The following HIVEP3 variants were observed in gnomAD, a reference collection of about 807,000 sequenced individuals.
HIVEP3 encodes HIVEP zinc finger 3.
A neutral mutation model predicts 152.8 loss-of-function variants in HIVEP3; 49 were observed. That is an observed-to-expected ratio of 0.32 (90% CI 0.26 to 0.41). HIVEP3 has a LOEUF of 0.41. HIVEP3 is among the 10% of genes least tolerant of loss of function. HIVEP3 has a pLI of 1.00. For missense variants in HIVEP3, 2,790 were observed against 3,103.3 expected, an observed-to-expected ratio of 0.90 and a Z score of 2.40; for synonymous variants, 1,269 against 1,289.0, an observed-to-expected ratio of 0.98 and a Z score of 0.33.
At chr1:42,033,992 A>G (rs1368655401) in intron 1 of HIVEP3, among the ~76,000 whole-genome samples, 1 of 152,162 alleles carries the variant, frequency 6.6e-6, no homozygotes, top group Non-Finnish European at 1.5e-5. Context: ...ACCCCTCAAA[A>G]CAGTATATAT....
intron 1 of HIVEP3, among the ~76,000 whole-genome samples, chr1:41,814,530 C>T (rs982047353): frequency 7.2e-5 from 11 of 152,354 alleles, no homozygotes; most frequent in African/African-American, 2.6e-4. Context: ...TTCCCTAAGG[C>T]TAGTGCCTGC....
chr1:41,793,315 G>C (rs1649804114), intron 1 of HIVEP3, among the ~76,000 whole-genome samples: 1 of 152,196 alleles, frequency 6.6e-6, no homozygotes, highest in East Asian at 1.9e-4. Flanking sequence ...ACTACAAGTG[G>C]CTCAAGCCTG....
intron 1 of HIVEP3, among the ~76,000 whole-genome samples, chr1:41,899,532 G>A (rs9943175): frequency 0.032 from 4,817 of 152,080 alleles, 258 homozygotes; most frequent in African/African-American, 0.11. Context: ...TCAGCCTCCC[G>A]AGTAGCTGGG....
chr1:41,635,725 C>T (rs1025351966), intron 2 of HIVEP3, among the ~76,000 whole-genome samples: 31 of 151,914 alleles, frequency 2.0e-4, no homozygotes, highest in African/African-American at 7.0e-4. Context: ...AAATCGGTGG[C>T]AAATCTGACT....
intron 1 of HIVEP3, among the ~76,000 whole-genome samples, chr1:41,901,812 C>T (rs1199613353): frequency 6.6e-6 from 1 of 152,188 alleles, no homozygotes; most frequent in African/African-American, 2.4e-5. Context: ...GCCCCACTCA[C>T]TTAGCCTATT....
chr1:41,747,951 G>A (rs1368050869), intron 1 of HIVEP3, among the ~76,000 whole-genome samples: 1 of 152,180 alleles, frequency 6.6e-6, no homozygotes, highest in African/African-American at 2.4e-5. Flanking sequence ...GTAATCAGAT[G>A]GAAGAAGGCC....
chr1:41,581,586 T>A lies in HIVEP3; in HGVS notation c.3212A>T (p.Glu1071Val). ...GGGTTTACTGGATGAGGGCTGTGGT[T>A]CTTCGCTCTCCTGTCTTCCCTTGGG... ...VAPKGRQESE[E>V]PQPSSSKPSA... is the part of the protein sequence containing the mutation. Residue 1071 changes from glutamate to valine, a missense_variant, in exon 4 of 9, where the codon GAA becomes GTA. Physicochemically the swap from Glu to Val is moderately radical, Grantham distance 121. This residue lies in a region of HIVEP3 where 1,078 missense variants were observed against 1,165.3 expected (regional missense o/e 0.93). Coordinates refer to ENST00000372583, the MANE Select transcript of HIVEP3 (RefSeq NM_024503.5). This position sits in a 1 kb window ranked among gnomAD's most constrained non-coding sequence, Gnocchi z 4.5. 6.2e-7 allele frequency: 1 copy of A among 1,613,502 alleles called. No individual in the cohort carries two copies. Among genetic ancestry groups the A allele is most frequent in the Non-Finnish European group, 8.5e-7 (1 of 1,179,780 alleles).
chr1:41,832,826 G>A (rs970986078), intron 1 of HIVEP3, among the ~76,000 whole-genome samples: 7 of 152,248 alleles, frequency 4.6e-5, no homozygotes, highest in African/African-American at 1.7e-4. Context: ...AGTAAATGCT[G>A]AAGCCCAGAT....
intron 1 of HIVEP3, among the ~76,000 whole-genome samples, chr1:42,015,960 T>C (rs1645519953): frequency 6.6e-6 from 1 of 152,186 alleles, no homozygotes; most frequent in Non-Finnish European, 1.5e-5. Flanking sequence ...AGGAAAAACA[T>C]CAAATAATTA....
chr1:41,779,262 G>A (rs913925108), intron 1 of HIVEP3, among the ~76,000 whole-genome samples: 6 of 152,182 alleles, frequency 3.9e-5, no homozygotes, highest in Non-Finnish European at 5.9e-5. Context: ...TAAAGTGCTG[G>A]GCTTTGGAGT....
At chr1:41,709,061 T>C (rs1646475404) in intron 1 of HIVEP3, among the ~76,000 whole-genome samples, 1 of 152,296 alleles carries the variant, frequency 6.6e-6, no homozygotes, top group South Asian at 2.1e-4. Context: ...AAGATGTTCC[T>C]CTTCTGCACC....
intron 1 of HIVEP3, among the ~76,000 whole-genome samples, chr1:41,933,944 T>A (rs1273104731): frequency 1.3e-5 from 2 of 152,090 alleles, no homozygotes; most frequent in African/African-American, 2.4e-5. Context: ...TGTTAAGATT[T>A]TTTTCCCTGT....
In HIVEP3 at chr1:41,509,392, A is replaced by G. The variant is rs1024450677; in HGVS notation, c.*1059T>C. ...CAAACCTCTGCTGTGGAGAACTGGAAAAACCCAGCCATGAGGGGAACAGGC... is the reference window on the plus strand; with the variant it reads ...CAAACCTCTGCTGTGGAGAACTGGAGAAACCCAGCCATGAGGGGAACAGGC... On this transcript the variant is annotated 3_prime_UTR_variant, in exon 9 of 9. Transcript: ENST00000372583. 3 of 152,184 alleles carry G rather than the reference A, an allele frequency of 2.0e-5. No individual in the cohort carries two copies. Among genetic ancestry groups the G allele is most frequent in the Non-Finnish European group, 2.9e-5 (2 of 68,040 alleles). The allele number at this position is 152,184 out of a possible 1,614,324, so 9.4% of individuals were successfully genotyped here.
chr1:41,602,267 T>G (rs1395681857), intron 3 of HIVEP3, among the ~76,000 whole-genome samples: 1 of 152,194 alleles, frequency 6.6e-6, no homozygotes. Flanking sequence ...TAAAATGAGT[T>G]TGGAGGTGTT....
At chr1:41,915,738 G>T (rs1644860779) in intron 1 of HIVEP3, among the ~76,000 whole-genome samples, 1 of 152,154 alleles carries the variant, frequency 6.6e-6, no homozygotes, top group South Asian at 2.1e-4. Context: ...TTCTTCTCAA[G>T]ATAGTTCAGT....
intron 3 of HIVEP3, among the ~76,000 whole-genome samples, chr1:41,616,851 T>C (rs1390997839): frequency 6.6e-6 from 1 of 152,236 alleles, no homozygotes; most frequent in African/African-American, 2.4e-5. Flanking sequence ...CAATAGGTTG[T>C]GAGCAGTTAT....
intron 1 of HIVEP3, among the ~76,000 whole-genome samples, chr1:41,980,508 C>T (rs777466841): frequency 2.0e-5 from 3 of 152,258 alleles, no homozygotes; most frequent in Middle Eastern, 3.4e-3. Flanking sequence ...AGATCTATAG[C>T]GACAGAAAGT....
intron 1 of HIVEP3, among the ~76,000 whole-genome samples, chr1:41,853,802 C>T (rs942797927): frequency 2.0e-5 from 3 of 152,136 alleles, no homozygotes; most frequent in African/African-American, 7.2e-5. Context: ...CACTTGGGAA[C>T]TCACCAAGGC....
intron 1 of HIVEP3, among the ~76,000 whole-genome samples, chr1:41,942,360 T>C (rs1320074604): frequency 6.6e-6 from 1 of 152,242 alleles, no homozygotes; most frequent in Non-Finnish European, 1.5e-5. Flanking sequence ...GGCCTACTGA[T>C]TTATCCCTAA....
Sources: allele counts gnomAD v4.1 joint callset (sites outside exome capture counted in the v4.1 genomes callset), GRCh38; gene constraint gnomAD v4.1.1; regional missense constraint gnomAD v4.1.1; non-coding constraint Gnocchi (gnomAD v3.1); transcripts MANE v1.5; gene names NCBI Gene and HGNC (gene_info 2026-07-23, HGNC 2026-07-21).